Variants in MAF observed in about 807,000 individuals in gnomAD.
MAF encodes the protein transcription factor Maf.
In MAF, 10 loss-of-function variants were observed where a neutral mutation model predicts 22.0. The observed-to-expected ratio is 0.45, with a 90% CI of 0.28 to 0.77. The LOEUF (loss-of-function observed/expected upper bound fraction) is 0.77. Among genes scored for constraint, MAF ranks in the 30% least tolerant of loss-of-function variants. The pLI, the probability that MAF is intolerant of heterozygous loss-of-function variation, is 0.12. For synonymous variants in MAF, 337 were observed against 255.8 expected, an observed-to-expected ratio of 1.32 and a Z score of -3.03; for missense variants, 544 against 548.4, an observed-to-expected ratio of 0.99 and a Z score of 0.08.
the MAF span, among the ~76,000 whole-genome samples, chr16:79,370,588 G>A: frequency 3.3e-5 from 5 of 152,224 alleles, no homozygotes; most frequent in Non-Finnish European, 5.9e-5. Flanking sequence ...GAGAAAAGCA[G>A]TGCCACCTCT....
At chr16:79,457,591 C>A in the MAF span, among the ~76,000 whole-genome samples, 1 of 152,072 alleles carries the variant, frequency 6.6e-6, no homozygotes, top group African/African-American at 2.4e-5. Context: ...ATGAGCCAGC[C>A]GTCCAATAAA....
At chr16:79,554,130 A>AAAT in the MAF span, among the ~76,000 whole-genome samples, 1 of 79,746 alleles carries the variant, frequency 1.3e-5, no homozygotes, top group Non-Finnish European at 3.0e-5. Context: ...AACAAACAAA[A>AAAT]CCACCAAACC....
chr16:79,209,499 C>G, the MAF span, among the ~76,000 whole-genome samples: 1 of 152,158 alleles, frequency 6.6e-6, no homozygotes, highest in Admixed American at 6.5e-5. Context: ...AATAGTATAA[C>G]CATTGTGGCA....
the MAF span, among the ~76,000 whole-genome samples, chr16:79,529,508 G>A: frequency 4.6e-5 from 7 of 152,034 alleles, no homozygotes; most frequent in South Asian, 6.2e-4. Context: ...TTTAATAGGG[G>A]CACTAATAAT....
chr16:79,404,636 A>T, the MAF span, among the ~76,000 whole-genome samples: 2 of 130,406 alleles, frequency 1.5e-5, no homozygotes, highest in Non-Finnish European at 3.3e-5. Context: ...CCTTTTTTTT[A>T]AATTTTTTTT....
At chr16:79,422,252 G>A in the MAF span, among the ~76,000 whole-genome samples, 2 of 152,158 alleles carry the variant, frequency 1.3e-5, no homozygotes, top group Admixed American at 1.3e-4. Flanking sequence ...CATATTTCAT[G>A]GTTGCGAAGA....
At chr16:79,271,450 C>T in the MAF span, among the ~76,000 whole-genome samples, 1 of 152,308 alleles carries the variant, frequency 6.6e-6, no homozygotes, top group African/African-American at 2.4e-5. Flanking sequence ...GTAAAACTTT[C>T]AGGATGGAAT....
the MAF span, among the ~76,000 whole-genome samples, chr16:79,505,038 C>T: frequency 1.3e-5 from 2 of 152,092 alleles, no homozygotes; most frequent in Admixed American, 1.3e-4. Context: ...TTTAGAAAAA[C>T]AAAACCCTGA....
At chr16:79,211,827 C>A in the MAF span, 2 of 1,613,214 alleles carry the variant, frequency 1.2e-6, no homozygotes. Context: ...GCACACACAC[C>A]CGCCCTGTGT....
At chr16:79,365,002 A>G in the MAF span, among the ~76,000 whole-genome samples, 2 of 152,226 alleles carry the variant, frequency 1.3e-5, no homozygotes, top group African/African-American at 4.8e-5. Flanking sequence ...TAGAGGCAAG[A>G]CAAAAGAAAA....
chr16:79,543,506 C>A, the MAF span, among the ~76,000 whole-genome samples: 1 of 152,086 alleles, frequency 6.6e-6, no homozygotes. Flanking sequence ...GCGGGCAGTC[C>A]CACCTTTCCA....
the MAF span, among the ~76,000 whole-genome samples, chr16:79,237,517 G>C: frequency 6.6e-6 from 1 of 152,010 alleles, no homozygotes; most frequent in Non-Finnish European, 1.5e-5. Flanking sequence ...CACTTCCCAT[G>C]GTTCTTCTGG....
At chr16:79,581,951 G>C (rs111680149), downstream of MAF, among the ~76,000 whole-genome samples, 125 of 152,260 alleles carry the variant, frequency 8.2e-4, no homozygotes, top group African/African-American at 2.9e-3. Context: ...CTTCCATTTG[G>C]TATTAGTTCC....
the MAF span, among the ~76,000 whole-genome samples, chr16:79,299,540 G>A: frequency 6.6e-6 from 1 of 152,060 alleles, no homozygotes; most frequent in African/African-American, 2.4e-5. Context: ...CTCAATTGAC[G>A]GTTACTTTTT....
chr16:79,355,062 TGATAA>T, the MAF span, among the ~76,000 whole-genome samples: 7 of 152,310 alleles, frequency 4.6e-5, no homozygotes, highest in African/African-American at 9.6e-5. Flanking sequence ...TCTTCTTCCT[TGATAA>T]GATTAGTTTT....
the MAF span, among the ~76,000 whole-genome samples, chr16:79,260,336 G>A: frequency 6.6e-6 from 1 of 152,084 alleles, no homozygotes; most frequent in African/African-American, 2.4e-5. Context: ...TTTTTTTGTA[G>A]AGATGGGGTC....
the MAF span, among the ~76,000 whole-genome samples, chr16:79,254,731 C>T: frequency 6.6e-6 from 1 of 152,146 alleles, no homozygotes; most frequent in Non-Finnish European, 1.5e-5. Flanking sequence ...CTCAGTTTGT[C>T]ACCTTTACAC....
chr16:79,429,134 A>C, the MAF span, among the ~76,000 whole-genome samples: 1 of 152,172 alleles, frequency 6.6e-6, no homozygotes, highest in African/African-American at 2.4e-5. Flanking sequence ...GTTTTGGCAC[A>C]TCCGTGGGAG....
At chr16:79,255,349 G>T in the MAF span, among the ~76,000 whole-genome samples, 3 of 152,322 alleles carry the variant, frequency 2.0e-5, no homozygotes, top group East Asian at 5.8e-4. Flanking sequence ...ATGAAAATCA[G>T]AAGTGACTAA....
Sources: gnomAD v4.1 joint callset for allele counts (sites outside exome capture counted in the v4.1 genomes callset) on GRCh38, gnomAD v4.1.1 for gene constraint, MANE v1.5 for transcripts, NCBI Gene and HGNC (gene_info 2026-07-23, HGNC 2026-07-21) for gene names.